The following WIPF1 variants were observed in gnomAD, a reference collection of about 807,000 sequenced individuals.
WIPF1 encodes WAS/WASL interacting protein family member 1, also known as WAS/WASL-interacting protein family member 1.
WIPF1 carries 13 observed loss-of-function variants against 35.4 expected under a neutral mutation model. That is an observed-to-expected ratio of 0.37 (90% CI 0.24 to 0.58). The LOEUF (loss-of-function observed/expected upper bound fraction) is 0.58. Ranked by LOEUF, WIPF1 falls within the 20% of genes least tolerant of loss-of-function variation. The probability of loss-of-function intolerance (pLI) is 0.74; values close to 1 mark genes in which losing one functional copy is unlikely to be tolerated. For missense variants in WIPF1, 591 were observed against 667.0 expected (o/e 0.89, Z 1.25); for synonymous variants, 267 against 266.3 (o/e 1.00, Z -0.02).
At chr2:174,581,503 G>A (rs568142502) in intron 2 of WIPF1, 64 bp from the exon 3 acceptor site, 126 of 1,577,636 alleles carry the variant, frequency 8.0e-5, no homozygotes, top group Non-Finnish European at 3.8e-5. Flanking sequence ...TGTAACACTC[G>A]GCTGGGAAAG....
At chr2:174,578,694 TGTTA>T (rs1440222670) in intron 3 of WIPF1, among the ~76,000 whole-genome samples, 5 of 152,238 alleles carry the variant, frequency 3.3e-5, no homozygotes, top group African/African-American at 7.2e-5. Context: ...CATAAATTTG[TGTTA>T]GTTCTGTATC....
intron 1 of WIPF1, among the ~76,000 whole-genome samples, chr2:174,617,085 G>C (rs1419896799): frequency 1.3e-5 from 2 of 152,044 alleles, no homozygotes; most frequent in African/African-American, 4.8e-5. Flanking sequence ...AGAACATTTA[G>C]GGCCCATGTT....
intron 1 of WIPF1, among the ~76,000 whole-genome samples, chr2:174,635,955 C>A (rs1687174134): frequency 6.6e-6 from 1 of 152,094 alleles, no homozygotes; most frequent in Non-Finnish European, 1.5e-5. Context: ...ACACACATAA[C>A]TGTTTTTACC....
chr2:174,624,412 T>C (rs548413989), intron 1 of WIPF1, among the ~76,000 whole-genome samples: 2 of 152,332 alleles, frequency 1.3e-5, no homozygotes, highest in East Asian at 1.9e-4. Context: ...GCAGGTATTT[T>C]TCTTCTCGCT....
chr2:174,574,109 C>T lies in WIPF1; in HGVS notation c.358+1095G>A, dbSNP rs1210979989. 2.0e-5 allele frequency among the ~76,000 whole-genome samples: 3 copies of T among 151,826 alleles called. No individual in the cohort carries two copies. The East Asian group carries it at 5.8e-4, about 29-fold the overall frequency. On this transcript the variant is annotated intron_variant, in intron 4 of 7. Coordinates refer to ENST00000679041, the MANE Select transcript of WIPF1 (RefSeq NM_001375834.1). ...ATTTTGCCATGTTGCCCAGGCTGTTCTTGAATTTTTGGGCTTCAGCCATCT... is the reference window on the plus strand; with the variant it reads ...ATTTTGCCATGTTGCCCAGGCTGTTTTTGAATTTTTGGGCTTCAGCCATCT...
intron 7 of WIPF1, chr2:174,566,868 A>G (rs982454351): frequency 3.2e-5 from 17 of 531,388 alleles, no homozygotes; most frequent in Admixed American, 1.7e-4. Context: ...GTAATGACAC[A>G]TTAAAATAAC....
At chr2:174,621,032 G>T (rs1424200728) in intron 1 of WIPF1, among the ~76,000 whole-genome samples, 1 of 152,130 alleles carries the variant, frequency 6.6e-6, no homozygotes, top group African/African-American at 2.4e-5. Flanking sequence ...GCCTGGAGGT[G>T]TTAGGACTCA....
intron 1 of WIPF1, among the ~76,000 whole-genome samples, chr2:174,610,755 C>T (rs76468293): frequency 0.013 from 1,982 of 152,180 alleles, 48 homozygotes; most frequent in African/African-American, 0.046. Flanking sequence ...CAGAATAGCC[C>T]GACATAACCT....
chr2:174,616,432 C>G (rs1302435372), intron 1 of WIPF1, among the ~76,000 whole-genome samples: 1 of 152,128 alleles, frequency 6.6e-6, no homozygotes, highest in Non-Finnish European at 1.5e-5. Flanking sequence ...CTTCCTGAAG[C>G]CACTACTAGA....
At chr2:174,634,656 AG>A (rs1259915284) in intron 1 of WIPF1, 2 of 152,184 alleles carry the variant, frequency 1.3e-5, no homozygotes, top group Non-Finnish European at 2.9e-5. Context: ...AACCGGTCAG[AG>A]GCATGTGATA....
intron 7 of WIPF1, 135 bp from the exon 8 acceptor site, chr2:174,562,737 G>T: frequency 8.5e-7 from 1 of 1,172,618 alleles, no homozygotes; most frequent in Non-Finnish European, 1.2e-6. Flanking sequence ...GGCGTATGTT[G>T]TGGATGAGAA....
chr2:174,599,138 G>A (rs756434259), upstream of WIPF1, among the ~76,000 whole-genome samples: 9 of 152,180 alleles, frequency 5.9e-5, no homozygotes, highest in Non-Finnish European at 1.2e-4. Context: ...GTAAAGTGAT[G>A]GAACTGGGCT....
chr2:174,561,983 A>G lies in WIPF1; in HGVS notation c.*564T>C. The G allele has an allele frequency of 7.3e-7, 1 of 1,364,748 alleles. No individual in the cohort carries two copies. The highest frequency in any genetic ancestry group is 1.0e-6 in the Non-Finnish European group (1 of 997,868). 84.5% of individuals were successfully genotyped at this position (1,364,748 alleles called of 1,614,324 possible). A position where few individuals can be genotyped will look rare whatever the true frequency, so the allele number is the denominator to read the frequency against. ...ACTTCACTTGTTTAAAATATATTAG[A>G]AATGTAAAAATTGTATATGGGGCTC... On this transcript the variant is annotated 3_prime_UTR_variant, in exon 8 of 8. Coordinates refer to ENST00000679041, the MANE Select transcript of WIPF1 (RefSeq NM_001375834.1).
chr2:174,587,501 C>G (rs1192540270), intron 1 of WIPF1: 1 of 152,210 alleles, frequency 6.6e-6, no homozygotes, highest in Admixed American at 6.5e-5. Context: ...AAAAAAGACA[C>G]TGCTGGACTT....
Position 174,562,094 on chromosome 2 carries a change from T to C in WIPF1, c.*453A>G, listed in dbSNP as rs1268701673. 1.0e-5 allele frequency: 16 copies of C among 1,550,516 alleles called. No individual in the cohort carries two copies. The East Asian group carries it at 2.7e-4, about 26-fold the overall frequency. ...ACATCCTGTGACTGCAAGTTTCCAG[T>C]GAGCCCTTACTCAGCAGCTTGCTTA... On this transcript the variant is annotated 3_prime_UTR_variant, in exon 8 of 8. Coordinates refer to ENST00000679041, the MANE Select transcript of WIPF1 (RefSeq NM_001375834.1).
intron 1 of WIPF1, 100 bp from the exon 2 acceptor site, chr2:174,585,711 C>T: frequency 1.2e-6 from 1 of 819,478 alleles, no homozygotes; most frequent in Non-Finnish European, 2.0e-6. Flanking sequence ...CCACCTAGCT[C>T]AACTCTTAGA....
At chr2:174,621,728 C>A (rs766403039) in intron 1 of WIPF1, among the ~76,000 whole-genome samples, 1 of 152,046 alleles carries the variant, frequency 6.6e-6, no homozygotes, top group Admixed American at 6.6e-5. Flanking sequence ...AAATTACTAA[C>A]GAGATATTTT....
chr2:174,564,034 G>T (rs1007445255), intron 7 of WIPF1, among the ~76,000 whole-genome samples: 1 of 152,108 alleles, frequency 6.6e-6, no homozygotes, highest in Non-Finnish European at 1.5e-5. Context: ...CAACTGACCC[G>T]CCACAAGTGG....
chr2:174,569,791 T>C (rs1399185370), intron 5 of WIPF1, among the ~76,000 whole-genome samples: 1 of 152,174 alleles, frequency 6.6e-6, no homozygotes, highest in Non-Finnish European at 1.5e-5. Context: ...GAAAAGCTCA[T>C]CAGAAGACTG....
Sources: allele counts gnomAD v4.1 joint callset (sites outside exome capture counted in the v4.1 genomes callset), GRCh38; gene constraint gnomAD v4.1.1; transcripts MANE v1.5; gene names NCBI Gene and HGNC (gene_info 2026-07-23, HGNC 2026-07-21).